AHDC1: variants seen among roughly 807,000 people sequenced by gnomAD.
AHDC1 encodes transcription factor Gibbin.
AHDC1 carries 7 observed loss-of-function variants against 87.9 expected under a neutral mutation model. The ratio of observed to expected loss-of-function variants is 0.08; its 90% CI spans 0.05 to 0.15. The LOEUF (loss-of-function observed/expected upper bound fraction) is 0.15. Among genes scored for constraint, AHDC1 ranks in the 10% least tolerant of loss-of-function variants. The probability of loss-of-function intolerance (pLI) is 1.00; values close to 1 mark genes in which losing one functional copy is unlikely to be tolerated. For synonymous variants in AHDC1, 1,051 were observed against 1,006.8 expected (o/e 1.04, Z -0.83); for missense variants, 1,841 against 2,253.2 (o/e 0.82, Z 3.70).
intron 3 of AHDC1, among the ~76,000 whole-genome samples, chr1:27,569,577 C>A (rs954817580): frequency 5.9e-5 from 9 of 152,136 alleles, no homozygotes; most frequent in Non-Finnish European, 1.5e-5. Context: ...TAGTACCAGG[C>A]GGGTTCTCTC....
In AHDC1 at chr1:27,538,206, A is replaced by G. The variant is rs753250123; in HGVS notation, c.*44-3290T>C. On this transcript the variant is annotated intron_variant, in intron 8 of 8. Transcript: ENST00000673934. ...CTCTTGAGCTCAGGAGCTCAAGACC[A>G]GTCTGGCCAACATGGAGAAACCCCG... Among the ~76,000 whole-genome samples, 5 of 152,008 alleles carry G rather than the reference A, an allele frequency of 3.3e-5. No homozygotes were observed. The East Asian group carries it at 7.8e-4, about 24-fold the overall frequency.
In AHDC1 at chr1:27,590,642, C is replaced by T. The variant is rs1395553661; in HGVS notation, c.-629+12755G>A. Among the ~76,000 whole-genome samples, 2 of 152,178 alleles carry T rather than the reference C, an allele frequency of 1.3e-5. No individual in the cohort carries two copies. Among genetic ancestry groups the T allele is most frequent in the South Asian group, 2.1e-4 (1 of 4,834 alleles). ...TCTGTTAAATCCCTCTTGGTCTTAG[C>T]TCTCCTTCCTGGCTGGGCTGAGAGG... is the stretch of plus-strand genomic sequence containing the variant. On this transcript the variant is annotated intron_variant, in intron 3 of 8. Coordinates refer to ENST00000673934, the MANE Select transcript of AHDC1 (RefSeq NM_001371928.1). The surrounding 1 kb of genome is among the most constrained non-coding windows in gnomAD (Gnocchi z 5.4).
Position 27,548,298 on chromosome 1 carries a change from C to T in AHDC1, c.3818G>A (p.Gly1273Asp), listed in dbSNP as rs2019301928. ...TGAGCAGGCCCCACCGCCCCGTCCACCTCGCGGCTGCCGGGGCCCAGTGCT... is the reference window on the plus strand; with the variant it reads ...TGAGCAGGCCCCACCGCCCCGTCCATCTCGCGGCTGCCGGGGCCCAGTGCT... ...KRSTGPRQPR[G>D]GRGGGACSAK... The change falls in exon 8 of 9, where the codon GGT (glycine) becomes GAT (aspartate). Residue 1273 changes from glycine to aspartate, a missense_variant. Transcript: ENST00000673934. 3 of 1,606,438 alleles carry T rather than the reference C, an allele frequency of 1.9e-6. No homozygotes were observed. The highest frequency in any genetic ancestry group is 1.7e-6 in the Non-Finnish European group (2 of 1,175,270).
chr1:27,572,932 C>T (rs970811502), intron 3 of AHDC1, among the ~76,000 whole-genome samples: 1 of 152,266 alleles, frequency 6.6e-6, no homozygotes, highest in African/African-American at 2.4e-5. Flanking sequence ...CACACATTCC[C>T]TTCCCCTAGA....
intron 8 of AHDC1, among the ~76,000 whole-genome samples, chr1:27,538,461 C>T (rs1201446135): frequency 6.7e-6 from 1 of 149,762 alleles, no homozygotes; most frequent in Non-Finnish European, 1.5e-5. Flanking sequence ...GGCTGATTTC[C>T]TGTGTGACCC....
intron 3 of AHDC1, among the ~76,000 whole-genome samples, chr1:27,596,751 T>C (rs1018491181): frequency 2.6e-5 from 4 of 151,630 alleles, no homozygotes; most frequent in Non-Finnish European, 5.9e-5. Flanking sequence ...CCATCACACA[T>C]ACCCCACCCT....
At chr1:27,567,380 G>A (rs1286723232) in intron 3 of AHDC1, among the ~76,000 whole-genome samples, 3 of 151,938 alleles carry the variant, frequency 2.0e-5, no homozygotes, top group East Asian at 2.0e-4. Context: ...TGAAGCGGCC[G>A]TCGGGGGGCC....
At chr1:27,579,145 A>G (rs1456736670) in intron 3 of AHDC1, among the ~76,000 whole-genome samples, 2 of 151,294 alleles carry the variant, frequency 1.3e-5, no homozygotes, top group Non-Finnish European at 2.9e-5. Flanking sequence ...TCTGGGCTCA[A>G]TCTTCCCACC....
chr1:27,569,189 C>T (rs947461886), intron 3 of AHDC1, among the ~76,000 whole-genome samples: 2 of 152,118 alleles, frequency 1.3e-5, no homozygotes, highest in Non-Finnish European at 2.9e-5. Flanking sequence ...GTCTATAGCT[C>T]ACCAACCCCT....
Position 27,562,750 on chromosome 1 carries a change from C to T in AHDC1, c.-628-3867G>A, listed in dbSNP as rs574213716. On this transcript the variant is annotated intron_variant, in intron 3 of 8. Coordinates refer to ENST00000673934, the MANE Select transcript of AHDC1 (RefSeq NM_001371928.1). The surrounding 1 kb of genome is among the most constrained non-coding windows in gnomAD (Gnocchi z 4.4). ...GGAAGGCCCCACCAGCTGCCAGCCC[C>T]GTATCACCAGAAAACATGTCGTCTC... Among the ~76,000 whole-genome samples, 3 of 152,282 alleles carry T rather than the reference C, an allele frequency of 2.0e-5. No individual in the cohort carries two copies. The highest frequency in any genetic ancestry group is 2.1e-4 in the South Asian group (1 of 4,828).
At chr1:27,587,008 C>A (rs780406432) in intron 3 of AHDC1, among the ~76,000 whole-genome samples, 2 of 152,196 alleles carry the variant, frequency 1.3e-5, no homozygotes, top group Non-Finnish European at 2.9e-5. Flanking sequence ...TCTCTGAGGA[C>A]CCCTCACTTT....
At chr1:27,581,309 G>A (rs1220233989) in intron 3 of AHDC1, among the ~76,000 whole-genome samples, 1 of 151,480 alleles carries the variant, frequency 6.6e-6, no homozygotes, top group Non-Finnish European at 1.5e-5. Flanking sequence ...AATTTTTTAT[G>A]TTGCCCAGGC....
At chr1:27,571,826 C>A (rs183835236) in intron 3 of AHDC1, among the ~76,000 whole-genome samples, 3 of 152,196 alleles carry the variant, frequency 2.0e-5, no homozygotes, top group Non-Finnish European at 4.4e-5. Flanking sequence ...GACACAGTTG[C>A]GGCAGTCGCT....
chr1:27,586,889 C>T (rs553752131), intron 3 of AHDC1, among the ~76,000 whole-genome samples: 3 of 152,314 alleles, frequency 2.0e-5, no homozygotes, highest in African/African-American at 7.2e-5. Context: ...AAAGAGGCAC[C>T]CTGGTCCTCT....
intron 3 of AHDC1, among the ~76,000 whole-genome samples, chr1:27,588,548 G>A (rs1014448195): frequency 3.9e-5 from 6 of 152,192 alleles, no homozygotes; most frequent in African/African-American, 1.4e-4. Flanking sequence ...GCAAGGACAT[G>A]GTGAAGAGCA....
chr1:27,552,322 A>G, intron 7 of AHDC1, 133 bp from the exon 8 acceptor site: 1 of 803,340 alleles, frequency 1.2e-6, no homozygotes, highest in Non-Finnish European at 1.7e-6. Context: ...TCCCCACCCC[A>G]AGCCCCATCC....
chr1:27,541,001 T>TAA (rs55912405), intron 8 of AHDC1, among the ~76,000 whole-genome samples: 88 of 72,324 alleles, frequency 1.2e-3, no homozygotes, highest in East Asian at 4.4e-3. Flanking sequence ...CTAAAAATGC[T>TAA]AAAAAAAAAA....
Position 27,560,407 on chromosome 1 carries a change from T to A in AHDC1, c.-628-1524A>T, listed in dbSNP as rs1162432949. 6.6e-6 allele frequency among the ~76,000 whole-genome samples: 1 copy of A among 152,034 alleles called. No individual in the cohort carries two copies. Among genetic ancestry groups the A allele is most frequent in the Non-Finnish European group, 1.5e-5 (1 of 67,988 alleles). ...CCTGCCTGTCTCAGAGCTCTCTGGA[T>A]GTGTGTTTGGCAGGGGGTGGGGGCG... is the stretch of plus-strand genomic sequence containing the variant. On this transcript the variant is annotated intron_variant, in intron 3 of 8. Transcript: ENST00000673934. This position sits in a 1 kb window ranked among gnomAD's most constrained non-coding sequence, Gnocchi z 4.1.
At chr1:27,574,404 A>G (rs1200644719) in intron 3 of AHDC1, among the ~76,000 whole-genome samples, 2 of 152,142 alleles carry the variant, frequency 1.3e-5, no homozygotes, top group Non-Finnish European at 2.9e-5. Flanking sequence ...TGCAGATGCT[A>G]TGCTAACTGA....
Sources: allele counts gnomAD v4.1 joint callset (sites outside exome capture counted in the v4.1 genomes callset), GRCh38; gene constraint gnomAD v4.1.1; non-coding constraint Gnocchi (gnomAD v3.1); transcripts MANE v1.5; gene names NCBI Gene and HGNC (gene_info 2026-07-23, HGNC 2026-07-21).